FMNL3: variants seen among roughly 807,000 people sequenced by gnomAD.
FMNL3 encodes the protein formin-like protein 3.
Under a neutral mutation model 119.6 loss-of-function variants are expected in FMNL3, and 57 were observed. The ratio of observed to expected loss-of-function variants is 0.48; its 90% CI spans 0.39 to 0.59. The LOEUF is 0.59. FMNL3 is among the 20% of genes least tolerant of loss of function. FMNL3 has a pLI of 0.00. For missense variants in FMNL3, 1,053 were observed against 1,323.5 expected (o/e 0.80, Z 3.17); for synonymous variants, 491 against 507.3 (o/e 0.97, Z 0.43).
intron 1 of FMNL3, 42 bp downstream of exon 1, chr12:49,707,013 G>A (rs1341692067): frequency 1.3e-6 from 2 of 1,550,566 alleles, no homozygotes; most frequent in African/African-American, 1.4e-5. Context: ...GTCGGGACCT[G>A]AGGGGCGGTA....
intron 10 of FMNL3, 130 bp downstream of exon 10, chr12:49,654,780 C>T: frequency 1.2e-6 from 1 of 866,588 alleles, no homozygotes; most frequent in African/African-American, 1.7e-5. Context: ...GGACAAGAAG[C>T]ATTTGCTGAA....
At chr12:49,663,348 C>T (rs1173687588) in intron 4 of FMNL3, among the ~76,000 whole-genome samples, 1 of 152,170 alleles carries the variant, frequency 6.6e-6, no homozygotes, top group Non-Finnish European at 1.5e-5. Context: ...ACTTCCCAGC[C>T]TATCCCTCTC....
chr12:49,671,573 C>T (rs1295047925), intron 1 of FMNL3, among the ~76,000 whole-genome samples: 1 of 152,214 alleles, frequency 6.6e-6, no homozygotes, highest in Non-Finnish European at 1.5e-5. Flanking sequence ...CAGTTCTCTT[C>T]CTGCTAGACA....
At chr12:49,688,567 AG>A in intron 1 of FMNL3, 1 of 455,660 alleles carries the variant, frequency 2.2e-6, no homozygotes, top group South Asian at 1.5e-5. Context: ...TTCTCTTCCT[AG>A]AAAACTCATC....
chr12:49,683,815 T>C (rs1944393672), intron 1 of FMNL3, among the ~76,000 whole-genome samples: 1 of 152,220 alleles, frequency 6.6e-6, no homozygotes, highest in African/African-American at 2.4e-5. Flanking sequence ...CCTTACACTT[T>C]ACACTTCAAC....
At position 49,707,299 on chromosome 12, in the gene FMNL3, CCCCGT is replaced by C; in HGVS notation, c.-124_-120del. 1 of 1,022,056 alleles carries C rather than the reference CCCCGT, an allele frequency of 9.8e-7. No homozygotes were observed. Among genetic ancestry groups the C allele is most frequent in the Non-Finnish European group, 1.3e-6 (1 of 759,046 alleles). 63.3% of individuals were successfully genotyped at this position (1,022,056 alleles called of 1,614,324 possible). ...GGCTCCCCGAGTCCCGACTCCTCGG[CCCCGT>C]CGAGGGCGCCGGGGGTTCCCTGGAG... On this transcript the variant is annotated 5_prime_UTR_variant, in exon 1 of 26. Coordinates refer to ENST00000335154, the MANE Select transcript of FMNL3 (RefSeq NM_175736.5).
At chr12:49,646,706 G>A (rs971840401) in intron 25 of FMNL3, 180 bp downstream of exon 25, 10 of 1,542,666 alleles carry the variant, frequency 6.5e-6, no homozygotes, top group South Asian at 2.4e-5. Context: ...CAGAAGAAGC[G>A]TGAGCCCCGC....
At chr12:49,659,303 C>CTG in intron 5 of FMNL3, among the ~76,000 whole-genome samples, 1 of 152,200 alleles carries the variant, frequency 6.6e-6, no homozygotes, top group East Asian at 1.9e-4. Context: ...GAAGAAATTA[C>CTG]AAGTTGAGAT....
Position 49,642,083 on chromosome 12 carries a change from CT to C in FMNL3, c.*3731del. On this transcript the variant is annotated 3_prime_UTR_variant, in exon 26 of 26. Coordinates refer to ENST00000335154, the MANE Select transcript of FMNL3 (RefSeq NM_175736.5). The surrounding 1 kb of genome is among the most constrained non-coding windows in gnomAD (Gnocchi z 5.8). ...AATTCATCTGTGTCTTGCTCCATTC[CT>C]TCTCACTCACTGTCCCACTGACTAT... 1.2e-6 allele frequency: 2 copies of C among 1,604,730 alleles called. No individual in the cohort carries two copies. The highest frequency in any genetic ancestry group is 1.7e-6 in the Non-Finnish European group (2 of 1,174,154).
intron 17 of FMNL3, among the ~76,000 whole-genome samples, chr12:49,650,338 G>A (rs746138041): frequency 6.6e-6 from 1 of 152,168 alleles, no homozygotes; most frequent in Non-Finnish European, 1.5e-5. Context: ...GGTCCCAGTT[G>A]AGACATTACC....
At chr12:49,653,145 T>C in intron 13 of FMNL3, 81 bp downstream of exon 13, 3 of 1,259,074 alleles carry the variant, frequency 2.4e-6, no homozygotes, top group Non-Finnish European at 2.3e-6. Context: ...GAACTTGATA[T>C]GACTCAGGGA....
chr12:49,653,965 C>T (rs189904267), intron 11 of FMNL3, 91 bp from the exon 12 acceptor site: 4 of 1,488,862 alleles, frequency 2.7e-6, no homozygotes, highest in Non-Finnish European at 3.6e-6. Context: ...CATCCCCCTT[C>T]GCCACCACTT....
Position 49,658,581 on chromosome 12 carries a change from C to A in FMNL3, c.466G>T (p.Gly156Cys), listed in dbSNP as rs1197071963. ...AQCSVMFDFE[G>C]LESGDDGAFD... The stretch of plus-strand genomic sequence containing the variant: ...GCACCATCGTCACCACTTTCCAGAC[C>A]CTCAAAGTCAAACCTGGAGCATGAA... The change falls in exon 6 of 26, where the codon GGT (glycine) becomes TGT (cysteine). Residue 156 changes from glycine to cysteine, a missense_variant. Gly to Cys is a radical substitution (Grantham distance 159, BLOSUM62 -3). Coordinates refer to ENST00000335154, the MANE Select transcript of FMNL3 (RefSeq NM_175736.5). 1 of 1,609,378 alleles carries A rather than the reference C, an allele frequency of 6.2e-7. No individual in the cohort carries two copies. The highest frequency in any genetic ancestry group is 1.1e-5 in the South Asian group (1 of 90,360).
In FMNL3 at chr12:49,649,153, C is replaced by A; in HGVS notation, c.2391G>T (p.Leu797=). ...GFKLQSLDLL[L]DTKSTDRKMT... ...TCTTCCGGTCAGTGGACTTGGTATC[C>A]AGCAGCTAGGAGAGGGGGTGAGGGC... Residue 797 remains leucine (L), a synonymous_variant, in exon 21 of 26, where the codon CTG becomes CTT. Coordinates refer to ENST00000335154, the MANE Select transcript of FMNL3 (RefSeq NM_175736.5). The surrounding 1 kb of genome is among the most constrained non-coding windows in gnomAD (Gnocchi z 5.6). The A allele has an allele frequency of 6.2e-7, 1 of 1,612,622 alleles. No individual in the cohort carries two copies.
chr12:49,646,678 T>C, intron 25 of FMNL3: 1 of 1,536,264 alleles, frequency 6.5e-7, no homozygotes, highest in Non-Finnish European at 8.7e-7. Flanking sequence ...GTTTGACTCA[T>C]CATGGTGGGC....
Position 49,637,353 on chromosome 12 carries a change from C to T in FMNL3, c.*8462G>A. On this transcript the variant is annotated 3_prime_UTR_variant, in exon 26 of 26. Transcript: ENST00000335154. ...TCTTCATCTCTGCCTCTCTTGCCTG[C>T]ATTTCCTCAATCTTGATTGTCCCTG... The T allele has an allele frequency of 2.9e-6, 2 of 678,998 alleles. No homozygotes were observed. The highest frequency in any genetic ancestry group is 1.8e-5 in the South Asian group (1 of 56,292). 42.1% of individuals were successfully genotyped at this position (678,998 alleles called of 1,614,324 possible). A position where few individuals can be genotyped will look rare whatever the true frequency, so the allele number is the denominator to read the frequency against.
chr12:49,658,032 C>G (rs1456566817), intron 6 of FMNL3, among the ~76,000 whole-genome samples: 1 of 152,042 alleles, frequency 6.6e-6, no homozygotes, highest in Non-Finnish European at 1.5e-5. Flanking sequence ...GGTCTCCAAG[C>G]AGCTAAAGGG....
chr12:49,664,103 C>T (rs1473736020), intron 4 of FMNL3, among the ~76,000 whole-genome samples: 1 of 152,218 alleles, frequency 6.6e-6, no homozygotes, highest in Non-Finnish European at 1.5e-5. Context: ...CAAAAATTAG[C>T]TGGGCGTGGT....
chr12:49,646,098 G>A (rs1370318148), intron 25 of FMNL3, among the ~76,000 whole-genome samples, 195 bp from the exon 26 acceptor site: 2 of 152,134 alleles, frequency 1.3e-5, no homozygotes, highest in African/African-American at 4.8e-5. Flanking sequence ...GCATTTCAGA[G>A]GATCAGGTTG....
Sources: gnomAD v4.1 joint callset for allele counts (sites outside exome capture counted in the v4.1 genomes callset) on GRCh38, gnomAD v4.1.1 for gene constraint, Gnocchi (gnomAD v3.1) non-coding constraint, MANE v1.5 for transcripts, NCBI Gene and HGNC (gene_info 2026-07-23, HGNC 2026-07-21) for gene names.